Variants in KRTAP26-1 observed in about 807,000 individuals in gnomAD.
KRTAP26-1 encodes the protein keratin-associated protein 26-1.
For missense variants in KRTAP26-1, 273 were observed against 260.9 expected (o/e 1.05, Z -0.32); for synonymous variants, 111 against 103.3 (o/e 1.07, Z -0.45).
the KRTAP26-1 span, chr21:30,319,756 C>A: frequency 2.5e-6 from 4 of 1,613,858 alleles, no homozygotes; most frequent in Non-Finnish European, 3.4e-6. Flanking sequence ...AAACTGCTTC[C>A]TTGGCAAGGC....
rs1336748860 is a variant in KRTAP26-1, at chr21:30,319,288, A to G, written c.*115T>C. ...AAGCAGCTTGCATTAGATCAGGCAC[A>G]GTAAAACTAAGAAACATCAGTTGCT... On this transcript the variant is annotated 3_prime_UTR_variant, in exon 1 of 1. Coordinates refer to ENST00000360542, the MANE Select transcript of KRTAP26-1 (RefSeq NM_203405.2). 15 of 1,055,400 alleles carry G rather than the reference A, an allele frequency of 1.4e-5. No individual in the cohort carries two copies. The highest frequency in any genetic ancestry group is 2.4e-5 in the East Asian group (1 of 41,718). 65.4% of individuals were successfully genotyped at this position (1,055,400 alleles called of 1,614,324 possible).
Position 30,319,746 on chromosome 21 carries a change from A to G in KRTAP26-1, c.290T>C (p.Phe97Ser), listed in dbSNP as rs1276774860. The change falls in exon 1 of 1, where the codon TTT (phenylalanine) becomes TCT (serine). Residue 97 changes from phenylalanine to serine, a missense_variant. By Grantham distance (155) the Phe-to-Ser change is radical. Transcript: ENST00000360542. The stretch of plus-strand genomic sequence containing the variant: ...ACTGGAGAAGAAAGAAGCAGGAAGA[A>G]AACTGCTTCCTTGGCAAGGCCTGGG... ...YVPRPCQGSSFLPASFFSSSC... is the reference protein window; with the variant it reads ...YVPRPCQGSSSLPASFFSSSC... 6.2e-6 allele frequency: 10 copies of G among 1,614,062 alleles called. No homozygotes were observed. Among genetic ancestry groups the G allele is most frequent in the Non-Finnish European group, 8.5e-6 (10 of 1,179,968 alleles).
rs746600925 is a variant in KRTAP26-1 at position 30,319,647 on chromosome 21, T to C, written c.389A>G (p.Asn130Ser). 4.3e-6 allele frequency: 7 copies of C among 1,613,754 alleles called. No homozygotes were observed. Among genetic ancestry groups the C allele is most frequent in the African/African-American group, 2.7e-5 (2 of 74,872 alleles). ...SGCRPLRPLL[N>S]SYQPIGDCVP... ...ACAGTCTCCTATGGGCTGGTAACTA[T>C]TGAGCAGCGGCCTCAGTGGACGACA... Residue 130 changes from asparagine (N) to serine (S), a missense_variant, in exon 1 of 1, where the codon AAT becomes AGT. Coordinates refer to ENST00000360542, the MANE Select transcript of KRTAP26-1 (RefSeq NM_203405.2).
chr21:30,319,484 T>G lies in KRTAP26-1; in HGVS notation c.552A>C (p.Arg184Ser), dbSNP rs777841455. The change falls in exon 1 of 1, where the codon AGA becomes AGC. Residue 184 changes from arginine (R) to serine (S), a missense_variant. Coordinates refer to ENST00000360542, the MANE Select transcript of KRTAP26-1 (RefSeq NM_203405.2). The part of the protein sequence containing the change: ...QSLHVVSSSL[R>S]PLGPLFSGCQ... Reference sequence around the variant, plus strand: ...AACCACTGAACAGAGGCCCCAGAGGTCTGAGGCTGCTGGACACAACGTGAA... The same window carrying G: ...AACCACTGAACAGAGGCCCCAGAGGGCTGAGGCTGCTGGACACAACGTGAA... 11 of 1,613,496 alleles carry G rather than the reference T, an allele frequency of 6.8e-6. No homozygotes were observed. Among genetic ancestry groups the G allele is most frequent in the Admixed American group, 6.7e-5 (4 of 59,936 alleles).
At position 30,319,345 on chromosome 21, in the gene KRTAP26-1, G is replaced by C; in HGVS notation, c.*58C>G. ...AAAGAAGCAAAAGTCCATGGAGTTT[G>C]AATTTTTGTTGTGGATGCTCAGAGT... is the stretch of plus-strand genomic sequence containing the variant. On this transcript the variant is annotated 3_prime_UTR_variant, in exon 1 of 1. Coordinates refer to ENST00000360542, the MANE Select transcript of KRTAP26-1 (RefSeq NM_203405.2). 6.8e-7 allele frequency: 1 copy of C among 1,478,790 alleles called. No homozygotes were observed. Among genetic ancestry groups the C allele is most frequent in the Non-Finnish European group, 9.0e-7 (1 of 1,108,824 alleles). The allele number at this position is 1,478,790 out of a possible 1,614,324, so 91.6% of individuals were successfully genotyped here.
Position 30,320,267 on chromosome 21 carries a change from G to A in KRTAP26-1, c.-232C>T, listed in dbSNP as rs575426072. On this transcript the variant is annotated 5_prime_UTR_variant, in exon 1 of 1. It adds an upstream start codon to the 5' untranslated region. Transcript: ENST00000360542. ...CCTTGCAATGCCATCCATTGATTAC[G>A]TCTATCTATAAACCAATGCGACTGA... 4.5e-5 allele frequency: 20 copies of A among 442,886 alleles called. No homozygotes were observed. The highest frequency in any genetic ancestry group is 4.1e-4 in the South Asian group (7 of 17,062). The allele number at this position is 442,886 out of a possible 1,614,324, so 27.4% of individuals were successfully genotyped here. A position where few individuals can be genotyped will look rare whatever the true frequency, so the allele number is the denominator to read the frequency against.
In KRTAP26-1 at chr21:30,319,822, C is replaced by G. The variant is rs1344638072; in HGVS notation, c.214G>C (p.Glu72Gln). The change falls in exon 1 of 1, where the codon GAG (glutamate) becomes CAG (glutamine). Residue 72 changes from glutamate to glutamine, a missense_variant. Physicochemically the swap from Glu to Gln is conservative, Grantham distance 29 (BLOSUM62 2). Coordinates refer to ENST00000360542, the MANE Select transcript of KRTAP26-1 (RefSeq NM_203405.2). ...EPTSCQPVHC[E>Q]TGNLETSCGS... Reference sequence around the variant, plus strand: ...CAAGAGGTTTCAAGATTGCCGGTCTCACAGTGGACCGGCTGGCAGCTGGTT... The same window carrying G: ...CAAGAGGTTTCAAGATTGCCGGTCTGACAGTGGACCGGCTGGCAGCTGGTT... 1.2e-6 allele frequency: 2 copies of G among 1,613,788 alleles called. No homozygotes were observed. The highest frequency in any genetic ancestry group is 3.3e-5 in the Admixed American group (2 of 59,992).
At position 30,319,380 on chromosome 21, in the gene KRTAP26-1, C is replaced by T. The variant is rs1008445067; in HGVS notation, c.*23G>A. The T allele has an allele frequency of 2.7e-5, 42 of 1,536,110 alleles. No homozygotes were observed. Among genetic ancestry groups the T allele is most frequent in the Non-Finnish European group, 3.7e-5 (42 of 1,139,750 alleles). ...TGTGGATGCTCAGAGTGATTATTCACTGGAACAAAGAAGCTGCTGGTTTCA... is the reference window on the plus strand; with the variant it reads ...TGTGGATGCTCAGAGTGATTATTCATTGGAACAAAGAAGCTGCTGGTTTCA... On this transcript the variant is annotated 3_prime_UTR_variant, in exon 1 of 1. Coordinates refer to ENST00000360542, the MANE Select transcript of KRTAP26-1 (RefSeq NM_203405.2).
In KRTAP26-1 at chr21:30,319,690, T is replaced by C. The variant is rs779486370; in HGVS notation, c.346A>G (p.Arg116Gly). The change falls in exon 1 of 1, where the codon AGG becomes GGG. Residue 116 changes from arginine to glycine, a missense_variant. Coordinates refer to ENST00000360542, the MANE Select transcript of KRTAP26-1 (RefSeq NM_203405.2). ...GGACGACAGCCGCTGGACACATACC[T>C]CTGTGGTCTACAGGATACTGGAAGG... ...SCLPVSCRPQ[R>G]YVSSGCRPLR... is the part of the protein sequence containing the mutation. 6 of 1,614,012 alleles carry C rather than the reference T, an allele frequency of 3.7e-6. No individual in the cohort carries two copies. In the South Asian group the frequency reaches 5.5e-5, roughly 15 times the overall value.
At position 30,319,962 on chromosome 21, in the gene KRTAP26-1, G is replaced by C; in HGVS notation, c.74C>G (p.Thr25Ser). Reference sequence around the variant, plus strand: ...GCTGGTAGGGCAGAGGTCGATGGAGGTGAGAGGAATATGGCGGGAGGTTCT... The same window carrying C: ...GCTGGTAGGGCAGAGGTCGATGGAGCTGAGAGGAATATGGCGGGAGGTTCT... ...SLRTSRHIPL[T>S]SIDLCPTSVS... Residue 25 changes from threonine to serine, a missense_variant, in exon 1 of 1, where the codon ACC (threonine) becomes AGC (serine). Thr to Ser is a moderately conservative substitution (Grantham distance 58). Transcript: ENST00000360542. 6.2e-7 allele frequency: 1 copy of C among 1,614,038 alleles called. No individual in the cohort carries two copies.
chr21:30,319,723 T>G lies in KRTAP26-1; in HGVS notation c.313A>C (p.Ser105Arg). The G allele has an allele frequency of 3.7e-6, 6 of 1,613,962 alleles. No homozygotes were observed. The highest frequency in any genetic ancestry group is 5.1e-6 in the Non-Finnish European group (6 of 1,179,958). Residue 105 changes from serine to arginine, a missense_variant, in exon 1 of 1, where the codon AGT becomes CGT. Coordinates refer to ENST00000360542, the MANE Select transcript of KRTAP26-1 (RefSeq NM_203405.2). ...CTACAGGATACTGGAAGGCAGGAAC[T>G]GGAGAAGAAAGAAGCAGGAAGAAAA... ...SSFLPASFFSSSCLPVSCRPQ... is the reference protein window; with the variant it reads ...SSFLPASFFSRSCLPVSCRPQ...
At position 30,320,127 on chromosome 21, in the gene KRTAP26-1, C is replaced by A; in HGVS notation, c.-92G>T. The stretch of plus-strand genomic sequence containing the variant: ...TCCTTAGCTTGACCCTTTATTTATC[C>A]CTAGAAGGTGGTGCTTCTGCGTGCA... On this transcript the variant is annotated 5_prime_UTR_variant, in exon 1 of 1. Transcript: ENST00000360542. The A allele has an allele frequency of 1.9e-6, 2 of 1,075,322 alleles. No individual in the cohort carries two copies. The highest frequency in any genetic ancestry group is 2.6e-6 in the Non-Finnish European group (2 of 761,646). The allele number at this position is 1,075,322 out of a possible 1,614,324, so 66.6% of individuals were successfully genotyped here. A position where few individuals can be genotyped will look rare whatever the true frequency, so the allele number is the denominator to read the frequency against.
rs1157195434 is a variant in KRTAP26-1 at position 30,319,533 on chromosome 21, C to A, written c.503G>T (p.Cys168Phe). 6.2e-7 allele frequency: 1 copy of A among 1,613,928 alleles called. No individual in the cohort carries two copies. Among genetic ancestry groups the A allele is most frequent in the South Asian group, 1.1e-5 (1 of 91,054 alleles). Residue 168 changes from cysteine to phenylalanine, a missense_variant, in exon 1 of 1, where the codon TGC (cysteine) becomes TTC (phenylalanine). Coordinates refer to ENST00000360542, the MANE Select transcript of KRTAP26-1 (RefSeq NM_203405.2). Reference sequence around the variant, plus strand: ...AAGACTTTGAGGACGATAGGCCAAGCAACTCGAGGGTTGGCATCCAGAAGT... The same window carrying A: ...AAGACTTTGAGGACGATAGGCCAAGAAACTCGAGGGTTGGCATCCAGAAGT... Reference protein sequence around the residue: ...LLTSGCQPSSCLAYRPQSLHV... With the variant: ...LLTSGCQPSSFLAYRPQSLHV...
In KRTAP26-1 at chr21:30,319,616, G is replaced by A; in HGVS notation, c.420C>T (p.Pro140=). The change falls in exon 1 of 1, where the codon CCC becomes CCT. Residue 140 remains proline, a synonymous_variant. Transcript: ENST00000360542. ...NSYQPIGDCV[P]NAYRPQFCLS... ...AGCAGAATTGGGGGCGATAGGCATTGGGCACACAGTCTCCTATGGGCTGGT... is the reference window on the plus strand; with the variant it reads ...AGCAGAATTGGGGGCGATAGGCATTAGGCACACAGTCTCCTATGGGCTGGT... 3.1e-6 allele frequency: 5 copies of A among 1,613,872 alleles called. No homozygotes were observed. Among genetic ancestry groups the A allele is most frequent in the Non-Finnish European group, 4.2e-6 (5 of 1,179,934 alleles).
In KRTAP26-1 at chr21:30,319,953, T is replaced by A. The variant is rs774138863; in HGVS notation, c.83A>T (p.Asp28Val). ...TSRHIPLTSI[D>V]LCPTSVSCGD... ...ACAGCTCACGCTGGTAGGGCAGAGG[T>A]CGATGGAGGTGAGAGGAATATGGCG... The change falls in exon 1 of 1, where the codon GAC (aspartate) becomes GTC (valine). Residue 28 changes from aspartate (D) to valine (V), a missense_variant. Transcript: ENST00000360542. 6.2e-7 allele frequency: 1 copy of A among 1,613,850 alleles called. No homozygotes were observed. The highest frequency in any genetic ancestry group is 2.2e-5 in the East Asian group (1 of 44,840).
rs776763732 is a variant in KRTAP26-1, at chr21:30,319,773, A to G, written c.263T>C (p.Val88Ala). Residue 88 changes from valine (V) to alanine (A), a missense_variant, in exon 1 of 1, where the codon GTG becomes GCG. Transcript: ENST00000360542. Reference protein sequence around the residue: ...TSCGSSTAYYVPRPCQGSSFL... With the variant: ...TSCGSSTAYYAPRPCQGSSFL... Reference sequence around the variant, plus strand: ...ACTGCTTCCTTGGCAAGGCCTGGGCACGTAGTAAGCAGTGGAAGAACCGCA... The same window carrying G: ...ACTGCTTCCTTGGCAAGGCCTGGGCGCGTAGTAAGCAGTGGAAGAACCGCA... The G allele has an allele frequency of 1.2e-6, 2 of 1,613,996 alleles. No homozygotes were observed. The highest frequency in any genetic ancestry group is 2.2e-5 in the South Asian group (2 of 91,064).
In KRTAP26-1 at chr21:30,319,946, G is replaced by A. The variant is rs749069905; in HGVS notation, c.90C>T (p.Cys30=). 6.2e-7 allele frequency: 1 copy of A among 1,614,114 alleles called. No homozygotes were observed. The highest frequency in any genetic ancestry group is 1.3e-5 in the African/African-American group (1 of 75,048). ...RHIPLTSIDL[C]PTSVSCGDVL... ...CATCTCCACAGCTCACGCTGGTAGG[G>A]CAGAGGTCGATGGAGGTGAGAGGAA... Residue 30 remains cysteine (C), a synonymous_variant, in exon 1 of 1, where the codon TGC becomes TGT. Coordinates refer to ENST00000360542, the MANE Select transcript of KRTAP26-1 (RefSeq NM_203405.2).
Position 30,319,785 on chromosome 21 carries a change from G to A in KRTAP26-1, c.251C>T (p.Thr84Ile), listed in dbSNP as rs144508244. Residue 84 changes from threonine (T) to isoleucine (I), a missense_variant, in exon 1 of 1, where the codon ACT becomes ATT. Thr to Ile is a moderately conservative substitution (Grantham distance 89, BLOSUM62 -1). Transcript: ENST00000360542. ...GNLETSCGSS[T>I]AYYVPRPCQG... is the part of the protein sequence containing the mutation. ...GCAAGGCCTGGGCACGTAGTAAGCA[G>A]TGGAAGAACCGCAAGAGGTTTCAAG... 1.6e-4 allele frequency: 258 copies of A among 1,613,868 alleles called. No individual in the cohort carries two copies. The African/African-American group carries it at 3.1e-3, about 19-fold the overall frequency.
chr21:30,320,055 G>C lies in KRTAP26-1; in HGVS notation c.-20C>G, dbSNP rs1981652856. ...AGACATAGTGAGGTTGTGAGAGCAG[G>C]CTGAAGTTGAGGCAAAGAAGTGAGT... On this transcript the variant is annotated 5_prime_UTR_variant, in exon 1 of 1. Coordinates refer to ENST00000360542, the MANE Select transcript of KRTAP26-1 (RefSeq NM_203405.2). The C allele has an allele frequency of 1.9e-6, 3 of 1,540,474 alleles. No homozygotes were observed. Among genetic ancestry groups the C allele is most frequent in the Non-Finnish European group, 2.6e-6 (3 of 1,141,556 alleles).
Sources: allele counts gnomAD v4.1 joint callset, GRCh38; gene constraint gnomAD v4.1.1; transcripts MANE v1.5; gene names NCBI Gene and HGNC (gene_info 2026-07-23, HGNC 2026-07-21).